Variants in ZNF714 observed in about 807,000 individuals in gnomAD.
The protein encoded by ZNF714 is zinc finger protein 714.
In ZNF714, 32 loss-of-function variants were observed where a neutral mutation model predicts 46.2. The ratio of observed to expected loss-of-function variants is 0.69; its 90% CI spans 0.52 to 0.93. ZNF714 has a LOEUF of 0.93. Among genes scored for constraint, ZNF714 ranks in the 40% least tolerant of loss-of-function variants. ZNF714 has a pLI of 0.00. For synonymous variants in ZNF714, 199 were observed against 213.1 expected (o/e 0.93, Z 0.58); for missense variants, 635 against 646.3 (o/e 0.98, Z 0.19).
At chr19:21,098,736 C>A in intron 3 of ZNF714, 76 bp from the exon 4 acceptor site, 2 of 888,696 alleles carry the variant, frequency 2.3e-6, no homozygotes, top group Non-Finnish European at 3.4e-6. Flanking sequence ...TCTATTATAT[C>A]CTTTTTACTG....
chr19:21,112,816 ATTTTTTTT>A (rs74172391), intron 4 of ZNF714, among the ~76,000 whole-genome samples: 15 of 43,216 alleles, frequency 3.5e-4, no homozygotes, highest in South Asian at 1.2e-3. Context: ...TTTATTTCTG[ATTTTTTTT>A]TTTTTTTTTT....
At position 21,122,758 on chromosome 19, in the gene ZNF714, C is replaced by T. The variant is rs975552300; in HGVS notation, c.*4426C>T. 6.6e-6 allele frequency: 1 copy of T among 152,068 alleles called. No individual in the cohort carries two copies. Among genetic ancestry groups the T allele is most frequent in the African/African-American group, 2.4e-5 (1 of 41,398 alleles). 9.4% of individuals were successfully genotyped at this position (152,068 alleles called of 1,614,324 possible). A position where few individuals can be genotyped will look rare whatever the true frequency, so the allele number is the denominator to read the frequency against. ...GTTCTCTTCACGCCATTTCATTTCG[C>T]CTGGTATTTTGTAGATTTTGATGAC... On this transcript the variant is annotated 3_prime_UTR_variant, in exon 5 of 5. Transcript: ENST00000456283.
At chr19:21,098,076 T>C (rs543318223) in intron 2 of ZNF714, 109 bp from the exon 3 acceptor site, 1 of 1,444,924 alleles carries the variant, frequency 6.9e-7, no homozygotes, top group Admixed American at 2.6e-5. Context: ...GTTATTCTTA[T>C]AAGTCAACCA....
Position 21,083,141 on chromosome 19 carries a change from G to A in ZNF714, c.-177+793G>A, listed in dbSNP as rs572156455. Among the ~76,000 whole-genome samples the A allele has an allele frequency of 2.0e-5, 3 of 152,086 alleles. No individual in the cohort carries two copies. The South Asian group carries it at 6.2e-4, about 32-fold the overall frequency. On this transcript the variant is annotated intron_variant, in intron 1 of 4. Transcript: ENST00000456283. ...TAACCTCTGCCTCCCGGGTTCAAGC[G>A]ATCCAATGCTTCAGCCTCCCAGGTA...
At position 21,123,243 on chromosome 19, in the gene ZNF714, A is replaced by G. The variant is rs1028543811; in HGVS notation, c.*4911A>G. The stretch of plus-strand genomic sequence containing the variant: ...GCATTTCTTTGTTTTTAAAAGAAAA[A>G]TCTTATTAGATTCTTATACAAAGTG... On this transcript the variant is annotated 3_prime_UTR_variant, in exon 5 of 5. Coordinates refer to ENST00000456283, the MANE Select transcript of ZNF714 (RefSeq NM_182515.4). 3.3e-5 allele frequency: 5 copies of G among 151,926 alleles called. No individual in the cohort carries two copies. The highest frequency in any genetic ancestry group is 1.2e-4 in the African/African-American group (5 of 41,430). The allele number at this position is 151,926 out of a possible 1,614,324, so 9.4% of individuals were successfully genotyped here.
chr19:21,098,992 A>G (rs954872633), intron 4 of ZNF714, 82 bp downstream of exon 4: 2 of 853,080 alleles, frequency 2.3e-6, no homozygotes, highest in South Asian at 2.3e-5. Context: ...GGCCCTTACA[A>G]TGTGATTTGG....
intron 2 of ZNF714, among the ~76,000 whole-genome samples, chr19:21,085,325 C>T (rs1466527326): frequency 6.6e-6 from 1 of 152,126 alleles, no homozygotes; most frequent in Non-Finnish European, 1.5e-5. Flanking sequence ...TTTCATGCTA[C>T]ATTTTATGAG....
chr19:21,117,681 A>G lies in ZNF714; in HGVS notation c.1017A>G (p.Lys339=). The G allele has an allele frequency of 6.2e-7, 1 of 1,613,162 alleles. No homozygotes were observed. Among genetic ancestry groups the G allele is most frequent in the South Asian group, 1.1e-5 (1 of 90,930 alleles). ...ATAAAAGAATTCATACTGGAGAGAA[A>G]CCCTACAAATGTGAAGAATGTGGCA... ...TKHKRIHTGE[K]PYKCEECGKA... is the part of the protein sequence containing the mutation. The change falls in exon 5 of 5, where the codon AAA becomes AAG. Residue 339 remains lysine, a synonymous_variant. Transcript: ENST00000456283.
rs1290729675 is a variant in ZNF714, at chr19:21,119,153, C to G, written c.*821C>G. 1 of 446,506 alleles carries G rather than the reference C, an allele frequency of 2.2e-6. No individual in the cohort carries two copies. The highest frequency in any genetic ancestry group is 2.5e-5 in the Admixed American group (1 of 40,646). 27.7% of individuals were successfully genotyped at this position (446,506 alleles called of 1,614,324 possible). On this transcript the variant is annotated 3_prime_UTR_variant, in exon 5 of 5. Coordinates refer to ENST00000456283, the MANE Select transcript of ZNF714 (RefSeq NM_182515.4). ...GGCGTGGTGGCTCAGGCCTATAATC[C>G]CAGCACTTTGGTAGGCCAAGGCAGG...
At chr19:21,095,828 G>A (rs965497755) in intron 2 of ZNF714, among the ~76,000 whole-genome samples, 2 of 152,056 alleles carry the variant, frequency 1.3e-5, no homozygotes, top group Non-Finnish European at 2.9e-5. Flanking sequence ...TCACCCCCAC[G>A]ACCTGATGTT....
At chr19:21,083,031 A>C (rs192779299) in intron 1 of ZNF714, among the ~76,000 whole-genome samples, 30 of 127,154 alleles carry the variant, frequency 2.4e-4, no homozygotes, top group African/African-American at 7.2e-4. Context: ...CTAAAAATGC[A>C]CCTCAGTTAG....
intron 2 of ZNF714, among the ~76,000 whole-genome samples, chr19:21,097,971 T>C (rs1001230341): frequency 1.3e-5 from 2 of 152,236 alleles, no homozygotes; most frequent in African/African-American, 4.8e-5. Context: ...AAAAGTATTA[T>C]ATATGCACTG....
rs149966567 is a variant in ZNF714, at chr19:21,105,816, G to A, written c.142+6906G>A. 1.9e-3 allele frequency among the ~76,000 whole-genome samples: 289 copies of A among 152,034 alleles called. 2 individuals carry two copies. The East Asian group carries it at 0.024, about 12-fold the overall frequency. On this transcript the variant is annotated intron_variant, in intron 4 of 4. Coordinates refer to ENST00000456283, the MANE Select transcript of ZNF714 (RefSeq NM_182515.4). ...CTAAAAATACAAAAATTAGCCGGGCGTGCTAGTGCATGCCTGTAGTCCCAG... is the reference window on the plus strand; with the variant it reads ...CTAAAAATACAAAAATTAGCCGGGCATGCTAGTGCATGCCTGTAGTCCCAG...
At position 21,117,468 on chromosome 19, in the gene ZNF714, C is replaced by T. The variant is rs1376383939; in HGVS notation, c.804C>T (p.His268=). Residue 268 remains histidine (H), a synonymous_variant, in exon 5 of 5, where the codon CAC becomes CAT. Transcript: ENST00000456283. The part of the protein sequence containing the change: ...KCEECGKAFN[H]PSALTTHKFI... ...AAGAATGTGGTAAAGCTTTTAACCA[C>T]CCTTCAGCCCTTACTACACATAAGT... 6.2e-7 allele frequency: 1 copy of T among 1,609,762 alleles called. No individual in the cohort carries two copies. The highest frequency in any genetic ancestry group is 1.7e-5 in the Admixed American group (1 of 59,312).
rs1168957126 is a variant in ZNF714 at position 21,122,233 on chromosome 19, C to T, written c.*3901C>T. The T allele has an allele frequency of 6.6e-6, 1 of 152,164 alleles. No homozygotes were observed. The highest frequency in any genetic ancestry group is 1.5e-5 in the Non-Finnish European group (1 of 68,036). The allele number at this position is 152,164 out of a possible 1,614,324, so 9.4% of individuals were successfully genotyped here. A position where few individuals can be genotyped will look rare whatever the true frequency, so the allele number is the denominator to read the frequency against. ...GTAATCGATGCTCCATAATAATTCA[C>T]AAATATTCCTGCTGGAGTTAGTTTG... On this transcript the variant is annotated 3_prime_UTR_variant, in exon 5 of 5. Transcript: ENST00000456283.
intron 1 of ZNF714, 132 bp from the exon 2 acceptor site, chr19:21,083,846 C>T (rs919300712): frequency 3.5e-6 from 1 of 287,228 alleles, no homozygotes. Flanking sequence ...GGTGATGTGT[C>T]CTCAGCCACC....
intron 4 of ZNF714, among the ~76,000 whole-genome samples, chr19:21,112,816 ATTTTT>A (rs74172391): frequency 4.6e-4 from 20 of 43,216 alleles, no homozygotes; most frequent in South Asian, 3.5e-3. Context: ...TTTATTTCTG[ATTTTT>A]TTTTTTTTTT....
chr19:21,117,393 C>A lies in ZNF714; in HGVS notation c.729C>A (p.His243Gln), dbSNP rs188561214. The A allele has an allele frequency of 1.2e-6, 2 of 1,613,098 alleles. No homozygotes were observed. The highest frequency in any genetic ancestry group is 2.7e-5 in the African/African-American group (2 of 74,864). Residue 243 changes from histidine to glutamine, a missense_variant, in exon 5 of 5, where the codon CAC becomes CAA. By Grantham distance (24) the His-to-Gln change is conservative (BLOSUM62 0). Coordinates refer to ENST00000456283, the MANE Select transcript of ZNF714 (RefSeq NM_182515.4). ...GCAAAGCCTTCTACCATTCTTCACA[C>A]CTTACTACACATAAGGTAATTCATA... ...ECGKAFYHSS[H>Q]LTTHKVIHTG...
At position 21,117,810 on chromosome 19, in the gene ZNF714, A is replaced by C. The variant is rs1434159107; in HGVS notation, c.1146A>C (p.Ser382=). ...GTGGCAAAGCCTTTAACCACTCCTC[A>C]AAACTTACTATACATAAGATAATTC... ...EECGKAFNHS[S]KLTIHKIIHT... Residue 382 remains serine (S), a synonymous_variant, in exon 5 of 5, where the codon TCA becomes TCC. Transcript: ENST00000456283. 1 of 1,612,438 alleles carries C rather than the reference A, an allele frequency of 6.2e-7. No homozygotes were observed. Among genetic ancestry groups the C allele is most frequent in the Non-Finnish European group, 8.5e-7 (1 of 1,179,152 alleles).
Sources: gnomAD v4.1 joint callset for allele counts (sites outside exome capture counted in the v4.1 genomes callset) on GRCh38, gnomAD v4.1.1 for gene constraint, MANE v1.5 for transcripts, NCBI Gene and HGNC (gene_info 2026-07-23, HGNC 2026-07-21) for gene names.